The following ARPP21 variants were observed in gnomAD, a reference collection of about 807,000 sequenced individuals.
ARPP21 encodes the protein cAMP regulated phosphoprotein 21.
A neutral mutation model predicts 113.2 loss-of-function variants in ARPP21; 69 were observed. The observed-to-expected ratio is 0.61, with a 90% CI of 0.50 to 0.74. The LOEUF is 0.74. ARPP21 is among the 30% of genes least tolerant of loss of function. ARPP21 has a pLI of 0.00. For synonymous variants in ARPP21, 368 were observed against 375.5 expected (o/e 0.98, Z 0.23); for missense variants, 1,070 against 1,037.4 (o/e 1.03, Z -0.43).
chr3:35,641,038 T>C (rs1237757009), intron 1 of ARPP21: 1 of 152,084 alleles, frequency 6.6e-6, no homozygotes, highest in Non-Finnish European at 1.5e-5. Context: ...CCTGATCACC[T>C]CCTGAAGATG....
intron 19 of ARPP21, among the ~76,000 whole-genome samples, chr3:35,747,951 G>GAAAGAA (rs1174694259): frequency 7.1e-6 from 1 of 141,076 alleles, no homozygotes; most frequent in African/African-American, 2.6e-5. Flanking sequence ...GAAAGAAAAA[G>GAAAGAA]AAAGAAAGAA....
chr3:35,679,259 TTTC>T (rs1209431502), intron 1 of ARPP21, among the ~76,000 whole-genome samples: 11 of 151,944 alleles, frequency 7.2e-5, no homozygotes, highest in Admixed American at 2.6e-4. Context: ...TTATAAAAGT[TTTC>T]TTCTTCTTTT....
chr3:35,727,713 CA>C (rs1298520644), intron 14 of ARPP21, among the ~76,000 whole-genome samples: 1 of 152,122 alleles, frequency 6.6e-6, no homozygotes, highest in Non-Finnish European at 1.5e-5. Flanking sequence ...TGATATTACA[CA>C]AGTAATCTAT....
At chr3:35,762,070 A>G (rs936679701) in intron 19 of ARPP21, among the ~76,000 whole-genome samples, 16 of 151,118 alleles carry the variant, frequency 1.1e-4, no homozygotes, top group Middle Eastern at 3.4e-3. Flanking sequence ...CAAAAACTTT[A>G]TAATAACTAC....
chr3:35,676,955 G>A (rs955670535), intron 1 of ARPP21, among the ~76,000 whole-genome samples: 1 of 151,856 alleles, frequency 6.6e-6, no homozygotes, highest in Non-Finnish European at 1.5e-5. Flanking sequence ...TATACAAGTG[G>A]TTTTCATTTA....
At chr3:35,685,641 A>T in intron 5 of ARPP21, 1 of 984,858 alleles carries the variant, frequency 1.0e-6, no homozygotes, top group Non-Finnish European at 1.2e-6. Context: ...TGTGGGAAAA[A>T]CTCTTGCTAC....
chr3:35,743,617 T>C (rs898958471), intron 18 of ARPP21, among the ~76,000 whole-genome samples: 6 of 152,180 alleles, frequency 3.9e-5, no homozygotes. Flanking sequence ...CCTCATGGCG[T>C]TGGTAAAAGA....
intron 1 of ARPP21, among the ~76,000 whole-genome samples, chr3:35,662,315 A>C (rs1368450415): frequency 1.3e-5 from 2 of 152,242 alleles, no homozygotes; most frequent in Non-Finnish European, 2.9e-5. Flanking sequence ...AAGAGGAGCT[A>C]ACAATGGCTT....
intron 19 of ARPP21, among the ~76,000 whole-genome samples, chr3:35,768,453 A>G (rs2096068718): frequency 6.6e-6 from 1 of 152,170 alleles, no homozygotes; most frequent in Non-Finnish European, 1.5e-5. Context: ...TAGAAAACCA[A>G]TTATGTGAGA....
intron 19 of ARPP21, among the ~76,000 whole-genome samples, chr3:35,746,353 A>G (rs932561924): frequency 6.6e-6 from 1 of 152,186 alleles, no homozygotes; most frequent in Non-Finnish European, 1.5e-5. Flanking sequence ...TGTTGAGCCT[A>G]GGGAGACTAA....
At chr3:35,698,177 G>A (rs1241832201) in intron 9 of ARPP21, among the ~76,000 whole-genome samples, 3 of 151,490 alleles carry the variant, frequency 2.0e-5, no homozygotes, top group Non-Finnish European at 3.0e-5. Context: ...AAAATGAGAC[G>A]TATTTGTTCA....
chr3:35,657,137 C>T (rs1321556618), intron 1 of ARPP21, among the ~76,000 whole-genome samples: 1 of 151,988 alleles, frequency 6.6e-6, no homozygotes, highest in Non-Finnish European at 1.5e-5. Flanking sequence ...GTAAACTTTG[C>T]TGCTTTAAAA....
chr3:35,753,314 T>C (rs904220953), intron 19 of ARPP21, among the ~76,000 whole-genome samples: 1 of 152,050 alleles, frequency 6.6e-6, no homozygotes, highest in Non-Finnish European at 1.5e-5. Flanking sequence ...CATATGAATA[T>C]ACACATTTTG....
At position 35,707,004 on chromosome 3, in the gene ARPP21, A is replaced by C. The variant is rs201370016; in HGVS notation, c.717A>C (p.Lys239Asn). ...IPEQRFCEHL[K>N]DEKGEESQKR... ...AGCAAAGGTTTTGTGAACATTTAAA[A>C]GATGAAAAAGGTGAAGAATCCCAGA... is the stretch of plus-strand genomic sequence containing the variant. The change falls in exon 10 of 21, where the codon AAA becomes AAC. Residue 239 changes from lysine to asparagine, a missense_variant. Coordinates refer to ENST00000684406, the MANE Select transcript of ARPP21 (RefSeq NM_001385562.1). The C allele has an allele frequency of 6.2e-7, 1 of 1,614,066 alleles. No homozygotes were observed. The highest frequency in any genetic ancestry group is 8.5e-7 in the Non-Finnish European group (1 of 1,179,930).
At chr3:35,743,800 C>T (rs1338482184) in intron 18 of ARPP21, 39 bp from the exon 19 acceptor site, 6 of 1,599,496 alleles carry the variant, frequency 3.8e-6, no homozygotes, top group South Asian at 2.2e-5. Context: ...ACATTATCTA[C>T]ATTTTCATTC....
At chr3:35,671,963 G>A (rs573217242) in intron 1 of ARPP21, among the ~76,000 whole-genome samples, 1 of 152,078 alleles carries the variant, frequency 6.6e-6, no homozygotes, top group African/African-American at 2.4e-5. Context: ...CAAAGGTTCA[G>A]CACTCTCCTT....
chr3:35,686,257 C>T (rs554574454), intron 5 of ARPP21, among the ~76,000 whole-genome samples: 1 of 151,780 alleles, frequency 6.6e-6, no homozygotes, highest in East Asian at 2.0e-4. Flanking sequence ...AATCCTATCC[C>T]TAGAACCTGC....
chr3:35,683,909 G>A lies in ARPP21; in HGVS notation c.261+94G>A, dbSNP rs974365012. On this transcript the variant is annotated intron_variant, in intron 5 of 20. Coordinates refer to ENST00000684406, the MANE Select transcript of ARPP21 (RefSeq NM_001385562.1). ...TGGTGTTAAACAGTGTTTTGGGGGA[G>A]AAAAATATAATTGAAGAAAATAATT... 4 of 997,244 alleles carry A rather than the reference G, an allele frequency of 4.0e-6. No homozygotes were observed. In the East Asian group the frequency reaches 7.3e-5, roughly 18 times the overall value. The allele number at this position is 997,244 out of a possible 1,614,324, so 61.8% of individuals were successfully genotyped here.
rs1026657680 is a variant in ARPP21, at chr3:35,645,739, A to T, written c.-213+5341A>T. On this transcript the variant is annotated intron_variant, in intron 1 of 20. Transcript: ENST00000684406. ...TTATTATACACTAAATACTTGAGAT[A>T]AGATCAAGAACTCTCCCTAGGGAAA... 5.3e-5 allele frequency among the ~76,000 whole-genome samples: 8 copies of T among 152,120 alleles called. No homozygotes were observed. The South Asian group carries it at 1.4e-3, about 28-fold the overall frequency.
Sources: gnomAD v4.1 joint callset for allele counts (sites outside exome capture counted in the v4.1 genomes callset) on GRCh38, gnomAD v4.1.1 for gene constraint, MANE v1.5 for transcripts, NCBI Gene and HGNC (gene_info 2026-07-23, HGNC 2026-07-21) for gene names.